RNF34: variants seen among roughly 807,000 people sequenced by gnomAD.
RNF34 encodes ring finger protein 34.
RNF34 carries 12 observed loss-of-function variants against 37.9 expected under a neutral mutation model. The observed-to-expected ratio is 0.32, with a 90% CI of 0.20 to 0.51. The LOEUF (loss-of-function observed/expected upper bound fraction) is 0.51, where lower values mean the gene tolerates loss of function less well. Ranked by LOEUF, RNF34 falls within the 20% of genes least tolerant of loss-of-function variation. The pLI is 0.97. For missense variants in RNF34, 362 were observed against 472.7 expected (o/e 0.77, Z 2.17); for synonymous variants, 155 against 177.2 (o/e 0.87, Z 1.00).
Position 121,423,511 on chromosome 12 carries a change from C to T in RNF34, c.1054C>T (p.Arg352Cys), listed in dbSNP as rs782224495. The T allele has an allele frequency of 8.1e-6, 13 of 1,614,066 alleles. No homozygotes were observed. The highest frequency in any genetic ancestry group is 1.1e-5 in the South Asian group (1 of 91,074). ...GGTTACCTGCACCAAGTGCGGCAAG[C>T]GCATGAGTGAGTGTCCCATCTGCCG... The part of the protein sequence containing the change: ...HMVTCTKCGK[R>C]MSECPICRQY... The change falls in exon 6 of 6, where the codon CGC (arginine) becomes TGC (cysteine). Residue 352 changes from arginine to cysteine, a missense_variant. By Grantham distance (180) the Arg-to-Cys change is radical (BLOSUM62 -3). Transcript: ENST00000361234. This position sits in a 1 kb window ranked among gnomAD's most constrained non-coding sequence, Gnocchi z 4.3.
At chr12:121,419,387 G>A (rs929071044) in intron 3 of RNF34, among the ~76,000 whole-genome samples, 2 of 152,188 alleles carry the variant, frequency 1.3e-5, no homozygotes, top group Non-Finnish European at 2.9e-5. Flanking sequence ...TCTCCTAGTC[G>A]TCAAGCAACA....
At position 121,402,640 on chromosome 12, in the gene RNF34, C is replaced by T. The variant is rs1266694324; in HGVS notation, c.6+2422C>T. On this transcript the variant is annotated intron_variant, in intron 1 of 5. Transcript: ENST00000361234. The stretch of plus-strand genomic sequence containing the variant: ...TTTTCCTTATTTATATTGATCTCAC[C>T]ATTAATTGTGCTAATCTGGGTTCTT... 7.8e-6 allele frequency: 5 copies of T among 639,624 alleles called. No homozygotes were observed. In the East Asian group the frequency reaches 1.1e-4, roughly 14 times the overall value. The allele number at this position is 639,624 out of a possible 1,614,324, so 39.6% of individuals were successfully genotyped here.
At chr12:121,408,309 G>T (rs1555280915) in intron 1 of RNF34, among the ~76,000 whole-genome samples, 3 of 152,132 alleles carry the variant, frequency 2.0e-5, no homozygotes, top group Admixed American at 6.6e-5. Context: ...GGGTGTGATG[G>T]CAGGCACTTG....
intron 1 of RNF34, among the ~76,000 whole-genome samples, chr12:121,412,495 G>T (rs1871175189): frequency 6.6e-6 from 1 of 151,380 alleles, no homozygotes. Context: ...TGCCTGCCTT[G>T]TCCTCCCAAA....
intron 2 of RNF34, among the ~76,000 whole-genome samples, chr12:121,416,765 A>T (rs1348183772): frequency 6.6e-6 from 1 of 152,258 alleles, no homozygotes; most frequent in Non-Finnish European, 1.5e-5. Flanking sequence ...AAATGAATGC[A>T]ATAAATTAAC....
intron 1 of RNF34, among the ~76,000 whole-genome samples, chr12:121,408,259 G>A (rs1870737630): frequency 6.6e-6 from 1 of 152,080 alleles, no homozygotes; most frequent in Non-Finnish European, 1.5e-5. Context: ...TGGCCAACAT[G>A]GTGAAACCCC....
At chr12:121,412,364 C>T (rs1259226567) in intron 1 of RNF34, among the ~76,000 whole-genome samples, 3 of 151,414 alleles carry the variant, frequency 2.0e-5, no homozygotes, top group Non-Finnish European at 4.4e-5. Flanking sequence ...CTTAGCCTCC[C>T]GAGTAGCTGG....
intron 5 of RNF34, 59 bp downstream of exon 5, chr12:121,420,837 G>T: frequency 7.6e-7 from 1 of 1,320,970 alleles, no homozygotes. Context: ...TTAAAAACTG[G>T]GTTGTTTTTG....
chr12:121,401,937 C>T (rs1404812029), intron 1 of RNF34, among the ~76,000 whole-genome samples: 1 of 152,124 alleles, frequency 6.6e-6, no homozygotes, highest in Non-Finnish European at 1.5e-5. Context: ...TTTTGTGAAA[C>T]TGGATTTACA....
intron 1 of RNF34, chr12:121,405,210 G>C (rs138299103): frequency 2.0e-5 from 3 of 152,248 alleles, no homozygotes; most frequent in Non-Finnish European, 4.4e-5. Flanking sequence ...CAGTATGGGA[G>C]AAACACTGTC....
intron 2 of RNF34, 134 bp downstream of exon 2, chr12:121,416,511 A>G: frequency 1.5e-6 from 1 of 650,986 alleles, no homozygotes; most frequent in Non-Finnish European, 2.7e-6. Context: ...GCCATTTTCC[A>G]TCTAGAAAAA....
intron 5 of RNF34, among the ~76,000 whole-genome samples, chr12:121,421,382 A>AAC (rs782668008): frequency 0.042 from 5,818 of 138,914 alleles, 172 homozygotes; most frequent in Middle Eastern, 0.077. Context: ...AAAAAAAAAA[A>AAC]AAAAAAAAAA....
rs540784278 is a variant in RNF34, at chr12:121,423,093, A to T, written c.929-293A>T. ...GTTACAGAAGTAATATATCCCTATCACAGATGTCTTGAATTAGACAAAGAT... is the reference window on the plus strand; with the variant it reads ...GTTACAGAAGTAATATATCCCTATCTCAGATGTCTTGAATTAGACAAAGAT... On this transcript the variant is annotated intron_variant, in intron 5 of 5. Transcript: ENST00000361234. This position sits in a 1 kb window ranked among gnomAD's most constrained non-coding sequence, Gnocchi z 4.3. 5.5e-4 allele frequency among the ~76,000 whole-genome samples: 84 copies of T among 152,250 alleles called. 2 individuals carry two copies. Among genetic ancestry groups the T allele is most frequent in the Non-Finnish European group, 2.2e-4 (15 of 68,048 alleles).
intron 4 of RNF34, 29 bp from the exon 5 acceptor site, chr12:121,420,548 C>G: frequency 6.2e-7 from 1 of 1,609,504 alleles, no homozygotes; most frequent in Non-Finnish European, 8.5e-7. Flanking sequence ...CTTATGGGAC[C>G]AGGGCTAATG....
chr12:121,423,446 A>C lies in RNF34; in HGVS notation c.989A>C (p.Asp330Ala), dbSNP rs1555283787. 6.2e-7 allele frequency: 1 copy of C among 1,613,452 alleles called. No individual in the cohort carries two copies. Among genetic ancestry groups the C allele is most frequent in the East Asian group, 2.2e-5 (1 of 44,852 alleles). Residue 330 changes from aspartate (D) to alanine (A), a missense_variant, in exon 6 of 6, where the codon GAT (aspartate) becomes GCT (alanine). Transcript: ENST00000361234. This position sits in a 1 kb window ranked among gnomAD's most constrained non-coding sequence, Gnocchi z 4.3. ...EDDSLCRICM[D>A]AVIDCVLLEC... ...GACAGCCTGTGTCGCATCTGCATGG[A>C]TGCCGTCATCGACTGTGTCCTACTG...
Position 121,423,338 on chromosome 12 carries a change from G to T in RNF34, c.929-48G>T. The T allele has an allele frequency of 1.4e-6, 2 of 1,480,778 alleles. No individual in the cohort carries two copies. Among genetic ancestry groups the T allele is most frequent in the South Asian group, 1.3e-5 (1 of 77,102 alleles). The allele number at this position is 1,480,778 out of a possible 1,614,324, so 91.7% of individuals were successfully genotyped here. The stretch of plus-strand genomic sequence containing the variant: ...CTTCGGACTGGGAGGGTGGCTGGCT[G>T]ACTGGCCATGCCTGAAGCCGAGGCC... On this transcript the variant is annotated intron_variant, in intron 5 of 5. Transcript: ENST00000361234. This position sits in a 1 kb window ranked among gnomAD's most constrained non-coding sequence, Gnocchi z 4.3.
chr12:121,404,480 C>T (rs967461343), intron 1 of RNF34, among the ~76,000 whole-genome samples: 28 of 147,616 alleles, frequency 1.9e-4, no homozygotes, highest in African/African-American at 5.5e-4. Context: ...CTGCAGTCTC[C>T]GCCTCAAGTG....
At chr12:121,415,648 A>G (rs1314093885) in intron 1 of RNF34, among the ~76,000 whole-genome samples, 2 of 152,060 alleles carry the variant, frequency 1.3e-5, no homozygotes, top group African/African-American at 2.4e-5. Context: ...AAATAAATAA[A>G]TTGATGTTAT....
In RNF34 at chr12:121,423,037, A is replaced by G. The variant is rs1262841385; in HGVS notation, c.929-349A>G. Among the ~76,000 whole-genome samples the G allele has an allele frequency of 6.6e-6, 1 of 152,234 alleles. No homozygotes were observed. The highest frequency in any genetic ancestry group is 2.4e-5 in the African/African-American group (1 of 41,468). The stretch of plus-strand genomic sequence containing the variant: ...AGCATCCTGACTCCAAAGCCCATCT[A>G]CAGAAGACCAGCTGAGGGTTTCTTT... On this transcript the variant is annotated intron_variant, in intron 5 of 5. Coordinates refer to ENST00000361234, the MANE Select transcript of RNF34 (RefSeq NM_025126.4). The surrounding 1 kb of genome is among the most constrained non-coding windows in gnomAD (Gnocchi z 4.3).
Sources: gnomAD v4.1 joint callset for allele counts (sites outside exome capture counted in the v4.1 genomes callset) on GRCh38, gnomAD v4.1.1 for gene constraint, Gnocchi (gnomAD v3.1) non-coding constraint, MANE v1.5 for transcripts, NCBI Gene and HGNC (gene_info 2026-07-23, HGNC 2026-07-21) for gene names.